The following PIK3R6 variants were observed in gnomAD, a reference collection of about 807,000 sequenced individuals.
The protein encoded by PIK3R6 is phosphoinositide-3-kinase regulatory subunit 6, also known as phosphoinositide 3-kinase regulatory subunit 6.
PIK3R6 carries 91 observed loss-of-function variants against 84.9 expected under a neutral mutation model. The ratio of observed to expected loss-of-function variants is 1.07; its 90% confidence interval spans 0.90 to 1.28. The LOEUF is 1.28. Ranked by LOEUF, PIK3R6 falls within the 50% of genes most tolerant of loss-of-function variation. The probability of loss-of-function intolerance (pLI) is 0.00; values close to 1 mark genes in which losing one functional copy is unlikely to be tolerated. For synonymous variants in PIK3R6, 416 were observed against 411.4 expected, an observed-to-expected ratio of 1.01 and a Z score of -0.13; for missense variants, 996 against 985.1, an observed-to-expected ratio of 1.01 and a Z score of -0.15.
intron 12 of PIK3R6, 77 bp downstream of exon 12, chr17:8,828,035 G>A: frequency 1.4e-6 from 2 of 1,429,882 alleles, no homozygotes; most frequent in South Asian, 2.3e-5. Context: ...GGATGTGGGG[G>A]ATGCGGGGCT....
intron 17 of PIK3R6, among the ~76,000 whole-genome samples, chr17:8,819,958 T>TTTTTATATATATATATATATA (rs2087681214): frequency 7.4e-6 from 1 of 134,732 alleles, no homozygotes. Flanking sequence ...TATATATATT[T>TTTTTATATATATATATATATA]TTTTTTTGAG....
intron 12 of PIK3R6, 89 bp from the exon 13 acceptor site, chr17:8,827,383 T>C: frequency 7.0e-7 from 1 of 1,428,646 alleles, no homozygotes; most frequent in Non-Finnish European, 9.3e-7. Context: ...GTGAATATGG[T>C]CAAGTCATTT....
chr17:8,844,158 C>CCT lies in PIK3R6; in HGVS notation c.14-4463_14-4462dup, dbSNP rs2088761207. ...GCCTCTGATGCCACAGCAAAGGTCT[C>CCT]CTGAGCCATCTTCACCAGAGCACGA... On this transcript the variant is annotated intron_variant, in intron 2 of 19. Transcript: ENST00000619866. The surrounding 1 kb of genome is among the most constrained non-coding windows in gnomAD (Gnocchi z 4.5). 6.6e-6 allele frequency among the ~76,000 whole-genome samples: 1 copy of CCT among 152,232 alleles called. No individual in the cohort carries two copies. The highest frequency in any genetic ancestry group is 1.5e-5 in the Non-Finnish European group (1 of 68,036).
At position 8,803,940 on chromosome 17, in the gene PIK3R6, T is replaced by G; in HGVS notation, c.2108+101A>C. 6.9e-6 allele frequency: 7 copies of G among 1,008,402 alleles called. No homozygotes were observed. The highest frequency in any genetic ancestry group is 1.1e-5 in the Non-Finnish European group (7 of 656,300). The allele number at this position is 1,008,402 out of a possible 1,614,324, so 62.5% of individuals were successfully genotyped here. A position where few individuals can be genotyped will look rare whatever the true frequency, so the allele number is the denominator to read the frequency against. On this transcript the variant is annotated intron_variant, in intron 19 of 19. Transcript: ENST00000619866. This position sits in a 1 kb window ranked among gnomAD's most constrained non-coding sequence, Gnocchi z 5.0. Reference sequence around the variant, plus strand: ...GCCTGGCCACAGGATCTACCTCCGATGAGGTGCCTTGAGCTAGAGGCAGGA... The same window carrying G: ...GCCTGGCCACAGGATCTACCTCCGAGGAGGTGCCTTGAGCTAGAGGCAGGA...
Position 8,828,658 on chromosome 17 carries a change from G to A in PIK3R6, c.1222C>T (p.Pro408Ser). 12 of 1,613,090 alleles carry A rather than the reference G, an allele frequency of 7.4e-6. No homozygotes were observed. The highest frequency in any genetic ancestry group is 1.0e-5 in the Non-Finnish European group (12 of 1,179,604). Residue 408 changes from proline to serine, a missense_variant, in exon 11 of 20, where the codon CCC becomes TCC. Pro to Ser is a moderately conservative substitution (Grantham distance 74). Coordinates refer to ENST00000619866, the MANE Select transcript of PIK3R6 (RefSeq NM_001010855.4). ...GRPSGDGEML[P>S]GVSRLHTARV... ...GCTGTGTGCAGCCGGGACACGCCGG[G>A]CAGCATTTCCCCATCCCCACTGGGC...
intron 18 of PIK3R6, among the ~76,000 whole-genome samples, chr17:8,807,151 C>T (rs1472330093): frequency 2.6e-5 from 4 of 152,090 alleles, no homozygotes; most frequent in African/African-American, 9.7e-5. Context: ...ATGGGGTTGC[C>T]CTATACGAAG....
intron 16 of PIK3R6, 24 bp from the exon 17 acceptor site, chr17:8,821,960 G>A: frequency 6.5e-7 from 1 of 1,539,966 alleles, no homozygotes; most frequent in Non-Finnish European, 8.8e-7. Flanking sequence ...TCGAGGAACA[G>A]GTGGAGGTGC....
At chr17:8,830,169 C>T (rs2151244848) in intron 9 of PIK3R6, among the ~76,000 whole-genome samples, 1 of 152,328 alleles carries the variant, frequency 6.6e-6, no homozygotes, top group East Asian at 1.9e-4. Context: ...CCAGACGAGG[C>T]AGGAAAGACC....
At chr17:8,831,436 C>A (rs2088239156) in intron 9 of PIK3R6, among the ~76,000 whole-genome samples, 1 of 150,828 alleles carries the variant, frequency 6.6e-6, no homozygotes, top group Non-Finnish European at 1.5e-5. Flanking sequence ...TTAATCCATG[C>A]AGAGTCACTG....
rs1231111352 is a variant in PIK3R6, at chr17:8,803,971, C to T, written c.2108+70G>A. On this transcript the variant is annotated intron_variant, in intron 19 of 19. Transcript: ENST00000619866. The surrounding 1 kb of genome is among the most constrained non-coding windows in gnomAD (Gnocchi z 5.0). ...GCCTTGAGCTAGAGGCAGGAGATGG[C>T]AGGAGCTGGCTCCTGCTTCAGTTTG... 8.8e-6 allele frequency: 12 copies of T among 1,358,794 alleles called. No homozygotes were observed. The highest frequency in any genetic ancestry group is 3.7e-5 in the Admixed American group (2 of 54,550). The allele number at this position is 1,358,794 out of a possible 1,614,324, so 84.2% of individuals were successfully genotyped here. A position where few individuals can be genotyped will look rare whatever the true frequency, so the allele number is the denominator to read the frequency against.
rs550330515 is a variant in PIK3R6 at position 8,811,797 on chromosome 17, G to T, written c.1995+7286C>A. Among the ~76,000 whole-genome samples, 36 of 148,278 alleles carry T rather than the reference G, an allele frequency of 2.4e-4. 1 individual carries two copies. Among genetic ancestry groups the T allele is most frequent in the African/African-American group, 8.5e-4 (34 of 39,784 alleles). ...AAACCATTCAAAAAGTCTCTAGGAA[G>T]TTCCAAGCTTTCCCATTTTCCTGTC... On this transcript the variant is annotated intron_variant, in intron 18 of 19. Transcript: ENST00000619866.
intron 1 of PIK3R6, among the ~76,000 whole-genome samples, chr17:8,855,006 A>G (rs569557508): frequency 1.6e-4 from 25 of 152,310 alleles, no homozygotes; most frequent in Admixed American, 1.6e-3. Context: ...TAGCCTGGCC[A>G]ATATAGTGAA....
chr17:8,828,086 C>A, intron 12 of PIK3R6, 26 bp downstream of exon 12: 1 of 1,611,162 alleles, frequency 6.2e-7, no homozygotes, highest in Non-Finnish European at 8.5e-7. Context: ...CTCTGCCCCG[C>A]CACCGCCTCC....
intron 1 of PIK3R6, among the ~76,000 whole-genome samples, chr17:8,867,294 CTT>C (rs1227915930): frequency 1.3e-5 from 2 of 152,196 alleles, no homozygotes; most frequent in African/African-American, 4.8e-5. Flanking sequence ...GGTCCCGTGT[CTT>C]TTCATCTTGT....
At chr17:8,864,530 T>A (rs1359395654) in intron 1 of PIK3R6, among the ~76,000 whole-genome samples, 1 of 41,820 alleles carries the variant, frequency 2.4e-5, no homozygotes. Flanking sequence ...TTCACAGCTC[T>A]TTTTTTTTTT....
intron 12 of PIK3R6, 86 bp from the exon 13 acceptor site, chr17:8,827,380 T>C (rs1329379964): frequency 2.1e-6 from 3 of 1,445,250 alleles, no homozygotes; most frequent in Non-Finnish European, 2.8e-6. Context: ...TGTGTGAATA[T>C]GGTCAAGTCA....
At chr17:8,840,854 G>A (rs1221827585) in intron 2 of PIK3R6, among the ~76,000 whole-genome samples, 2 of 151,612 alleles carry the variant, frequency 1.3e-5, no homozygotes, top group African/African-American at 2.4e-5. Context: ...CTGGGTTCAC[G>A]CCATTCTCCT....
intron 2 of PIK3R6, among the ~76,000 whole-genome samples, chr17:8,848,105 G>C (rs548846686): frequency 6.6e-6 from 1 of 152,140 alleles, no homozygotes; most frequent in African/African-American, 2.4e-5. Context: ...AGGGAAGGAC[G>C]CCTGGTGTGC....
intron 10 of PIK3R6, 120 bp downstream of exon 10, chr17:8,829,586 A>T (rs2088150221): frequency 6.9e-6 from 7 of 1,019,050 alleles, no homozygotes; most frequent in South Asian, 2.9e-5. Context: ...AGACACACTG[A>T]CACACACTCA....
Sources: allele counts gnomAD v4.1 joint callset (sites outside exome capture counted in the v4.1 genomes callset), GRCh38; gene constraint gnomAD v4.1.1; non-coding constraint Gnocchi (gnomAD v3.1); transcripts MANE v1.5; gene names NCBI Gene and HGNC (gene_info 2026-07-23, HGNC 2026-07-21).